The following FSTL4 variants were observed in gnomAD, a reference collection of about 807,000 sequenced individuals.
FSTL4 encodes the protein follistatin-related protein 4.
In FSTL4, 28 loss-of-function variants were observed where a neutral mutation model predicts 78.2. The ratio of observed to expected loss-of-function variants is 0.36; its 90% confidence interval spans 0.27 to 0.49. The LOEUF is 0.49. Among genes scored for constraint, FSTL4 ranks in the 20% least tolerant of loss-of-function variants. FSTL4 has a pLI of 0.98. For synonymous variants in FSTL4, 422 were observed against 440.5 expected (o/e 0.96, Z 0.53); for missense variants, 922 against 1,084.9 (o/e 0.85, Z 2.11).
intron 3 of FSTL4, among the ~76,000 whole-genome samples, chr5:133,456,723 A>AAAAC (rs1291088858): frequency 8.6e-5 from 13 of 150,718 alleles, no homozygotes; most frequent in African/African-American, 3.0e-4. Context: ...CAAAACAAAA[A>AAAAC]ACCCTGAAGC....
intron 6 of FSTL4, among the ~76,000 whole-genome samples, chr5:133,304,058 C>T (rs909018993): frequency 1.2e-4 from 18 of 152,188 alleles, no homozygotes; most frequent in Non-Finnish European, 2.5e-4. Context: ...CTCAGGCATT[C>T]ACATCCTAAG....
chr5:133,766,813 AT>A, the FSTL4 span, among the ~76,000 whole-genome samples: 1 of 152,208 alleles, frequency 6.6e-6, no homozygotes, highest in Admixed American at 6.5e-5. Flanking sequence ...AACAAACAAT[AT>A]AATGTAGAGA....
chr5:133,554,269 G>C (rs1366259176), intron 3 of FSTL4, among the ~76,000 whole-genome samples: 1 of 152,186 alleles, frequency 6.6e-6, no homozygotes, highest in Non-Finnish European at 1.5e-5. Flanking sequence ...GGGAGATGGG[G>C]GGGAGGTGCC....
chr5:133,302,278 GATCTCCC>G (rs1561663316), intron 6 of FSTL4, among the ~76,000 whole-genome samples: 1 of 152,082 alleles, frequency 6.6e-6, no homozygotes, highest in Non-Finnish European at 1.5e-5. Context: ...CCACGGGGAA[GATCTCCC>G]ATTGGTTTAT....
At chr5:133,391,373 C>T (rs1432692627) in intron 4 of FSTL4, among the ~76,000 whole-genome samples, 2 of 152,160 alleles carry the variant, frequency 1.3e-5, no homozygotes, top group African/African-American at 4.8e-5. Context: ...AGGGTCCACT[C>T]ACATGGATCT....
the FSTL4 span, among the ~76,000 whole-genome samples, chr5:133,705,654 C>T: frequency 5.9e-5 from 9 of 152,120 alleles, no homozygotes; most frequent in African/African-American, 2.2e-4. Flanking sequence ...ACCCAGCAGC[C>T]TAGGGGCATG....
chr5:133,796,661 G>A, the FSTL4 span, among the ~76,000 whole-genome samples: 13 of 152,010 alleles, frequency 8.6e-5, no homozygotes, highest in East Asian at 7.8e-4. Flanking sequence ...GCGTCATTCC[G>A]CTGTTCTGCC....
chr5:133,470,496 G>A (rs1757798140), intron 3 of FSTL4, among the ~76,000 whole-genome samples: 1 of 152,178 alleles, frequency 6.6e-6, no homozygotes, highest in African/African-American at 2.4e-5. Context: ...TGTAATTGCA[G>A]CATTTTGGGA....
chr5:133,348,246 T>A (rs1580638153), intron 4 of FSTL4, among the ~76,000 whole-genome samples: 1 of 152,378 alleles, frequency 6.6e-6, no homozygotes, highest in East Asian at 1.9e-4. Context: ...AGGTAATTTA[T>A]GTCTGAAGCT....
intron 13 of FSTL4, among the ~76,000 whole-genome samples, chr5:133,216,273 T>C (rs890970596): frequency 4.6e-5 from 7 of 152,188 alleles, no homozygotes; most frequent in Admixed American, 3.9e-4. Flanking sequence ...CTGGATTACA[T>C]CAGACCAGAT....
chr5:133,647,379 T>C, the FSTL4 span, among the ~76,000 whole-genome samples: 1 of 152,150 alleles, frequency 6.6e-6, no homozygotes, highest in Admixed American at 6.6e-5. Context: ...AAAGTGGCCC[T>C]GAGAAGGAAT....
intron 6 of FSTL4, among the ~76,000 whole-genome samples, chr5:133,254,467 C>A (rs1471721997): frequency 2.0e-5 from 3 of 152,232 alleles, no homozygotes; most frequent in Non-Finnish European, 4.4e-5. Context: ...CGTGTGGCCA[C>A]CTCCAGGGGC....
At chr5:133,794,077 G>A in the FSTL4 span, among the ~76,000 whole-genome samples, 2 of 152,178 alleles carry the variant, frequency 1.3e-5, no homozygotes, top group Non-Finnish European at 2.9e-5. Context: ...GGGTGTGTAT[G>A]CACGCCCTTG....
At chr5:133,719,151 A>T in the FSTL4 span, among the ~76,000 whole-genome samples, 1 of 152,204 alleles carries the variant, frequency 6.6e-6, no homozygotes, top group Admixed American at 6.5e-5. Flanking sequence ...ATTCTTACTT[A>T]CAAATCCAAT....
chr5:133,370,528 C>T (rs887137326), intron 4 of FSTL4, among the ~76,000 whole-genome samples: 1 of 152,054 alleles, frequency 6.6e-6, no homozygotes, highest in Non-Finnish European at 1.5e-5. Flanking sequence ...CAGTAGTTCT[C>T]CCAGGCAAGC....
the FSTL4 span, among the ~76,000 whole-genome samples, chr5:133,678,293 T>G: frequency 2.0e-5 from 3 of 152,142 alleles, no homozygotes; most frequent in Non-Finnish European, 4.4e-5. Flanking sequence ...AGAGACCAGT[T>G]AGAGGGCTGT....
chr5:133,637,978 A>T, the FSTL4 span, among the ~76,000 whole-genome samples: 52 of 142,672 alleles, frequency 3.6e-4, 1 homozygote, highest in South Asian at 0.011. Flanking sequence ...TAATAATAAT[A>T]AATTAATTAA....
chr5:133,778,156 C>A, the FSTL4 span, among the ~76,000 whole-genome samples: 4 of 152,196 alleles, frequency 2.6e-5, no homozygotes, highest in African/African-American at 9.7e-5. Context: ...CCTTCCACAT[C>A]TGCCCCCCAG....
chr5:133,318,799 A>G (rs1257620170), intron 4 of FSTL4, among the ~76,000 whole-genome samples: 2 of 152,190 alleles, frequency 1.3e-5, no homozygotes, highest in East Asian at 1.9e-4. Context: ...GATCCCCCCA[A>G]CCTTCCTCCT....
Sources: gnomAD v4.1 joint callset for allele counts (sites outside exome capture counted in the v4.1 genomes callset) on GRCh38, gnomAD v4.1.1 for gene constraint, MANE v1.5 for transcripts, NCBI Gene and HGNC (gene_info 2026-07-23, HGNC 2026-07-21) for gene names.